Variants in ZC3H13 observed in about 807,000 individuals in gnomAD.
ZC3H13 encodes zinc finger CCCH-type containing 13.
ZC3H13 carries 64 observed loss-of-function variants against 204.1 expected under a neutral mutation model. That is an observed-to-expected ratio of 0.31 (90% CI 0.26 to 0.39). ZC3H13 has a LOEUF of 0.39. Ranked by LOEUF, ZC3H13 falls within the 10% of genes least tolerant of loss-of-function variation. The probability of loss-of-function intolerance (pLI) is 1.00; values close to 1 mark genes in which losing one functional copy is unlikely to be tolerated. For synonymous variants in ZC3H13, 667 were observed against 693.7 expected (o/e 0.96, Z 0.60); for missense variants, 1,833 against 2,082.7 (o/e 0.88, Z 2.33).
chr13:45,991,862 T>C (rs2039994152), intron 8 of ZC3H13, among the ~76,000 whole-genome samples: 1 of 152,178 alleles, frequency 6.6e-6, no homozygotes, highest in Non-Finnish European at 1.5e-5. Context: ...AATGAGAATA[T>C]TCAGGGTATA....
At chr13:45,999,255 C>T (rs1234142669) in intron 8 of ZC3H13, among the ~76,000 whole-genome samples, 2 of 152,094 alleles carry the variant, frequency 1.3e-5, no homozygotes, top group African/African-American at 4.8e-5. Context: ...GAGATCACGC[C>T]AGTGCACTTA....
rs1271694880 is a variant in ZC3H13 at position 45,968,917 on chromosome 13, T to C, written c.3627A>G (p.Pro1209=). ...CACTTCGATGGGCTGAATCATTGGA[T>C]GGGGAGCGAAGACGACCAGACGTAT... The part of the protein sequence containing the change: ...RSHTSGRLRS[P]SNDSAHRSGD... Residue 1209 remains proline, a synonymous_variant, in exon 14 of 19, where the codon CCA becomes CCG. Transcript: ENST00000679008. 1 of 1,614,036 alleles carries C rather than the reference T, an allele frequency of 6.2e-7. No individual in the cohort carries two copies. Among genetic ancestry groups the C allele is most frequent in the Non-Finnish European group, 8.5e-7 (1 of 1,180,038 alleles).
chr13:45,970,385 G>A lies in ZC3H13; in HGVS notation c.2549C>T (p.Ala850Val). 6.2e-7 allele frequency: 1 copy of A among 1,613,846 alleles called. No homozygotes were observed. Residue 850 changes from alanine (A) to valine (V), a missense_variant, in exon 13 of 19, where the codon GCC becomes GTC. Physicochemically the swap from Ala to Val is moderately conservative, Grantham distance 64 (BLOSUM62 0). Transcript: ENST00000679008. ...ACTTTTATCATCTCCACTGTTGTAG[G>A]CATCACTGTCCGGAGAATGTTCACG... ...RRREHSPDSD[A>V]YNSGDDKNEK...
At chr13:46,004,297 G>C (rs948831530) in intron 7 of ZC3H13, among the ~76,000 whole-genome samples, 1 of 64,516 alleles carries the variant, frequency 1.6e-5, no homozygotes, top group African/African-American at 9.2e-5. Context: ...CACTTTGGGA[G>C]GCAGAGGAGG....
intron 14 of ZC3H13, 36 bp downstream of exon 14, chr13:45,968,711 AG>A: frequency 6.5e-7 from 1 of 1,536,468 alleles, no homozygotes; most frequent in Non-Finnish European, 8.7e-7. Flanking sequence ...ATACTAACCT[AG>A]GAAACAGTGA....
intron 15 of ZC3H13, among the ~76,000 whole-genome samples, chr13:45,966,333 T>G (rs917832076): frequency 2.0e-5 from 3 of 152,210 alleles, no homozygotes; most frequent in African/African-American, 7.2e-5. Flanking sequence ...ATTTTCCATG[T>G]TATTAAATTC....
chr13:46,003,102 A>G (rs2040866580), intron 8 of ZC3H13, 37 bp downstream of exon 8: 1 of 1,586,752 alleles, frequency 6.3e-7, no homozygotes, highest in Non-Finnish European at 8.5e-7. Flanking sequence ...ATATTCTACA[A>G]AAGTTAATAT....
intron 4 of ZC3H13, among the ~76,000 whole-genome samples, chr13:46,028,844 T>G (rs1470365426): frequency 6.6e-6 from 1 of 152,052 alleles, no homozygotes; most frequent in Non-Finnish European, 1.5e-5. Flanking sequence ...ATGTATATAT[T>G]AGAAAAGACA....
At chr13:45,978,913 T>C (rs370386139) in intron 11 of ZC3H13, among the ~76,000 whole-genome samples, 14 of 152,118 alleles carry the variant, frequency 9.2e-5, no homozygotes, top group African/African-American at 2.6e-4. Context: ...TAATCAATTC[T>C]CCTACTTCTG....
At chr13:45,976,202 C>A in intron 11 of ZC3H13, 1 of 985,210 alleles carries the variant, frequency 1.0e-6, no homozygotes, top group Non-Finnish European at 1.2e-6. Context: ...CTCTGTCCCC[C>A]CAGCAGGACC....
chr13:46,039,836 A>G (rs2043452695), intron 4 of ZC3H13, among the ~76,000 whole-genome samples: 1 of 152,208 alleles, frequency 6.6e-6, no homozygotes, highest in Non-Finnish European at 1.5e-5. Flanking sequence ...TCTCTTCCCA[A>G]CTATGCATCT....
chr13:45,967,780 G>T lies in ZC3H13; in HGVS notation c.4045C>A (p.Arg1349=). The T allele has an allele frequency of 6.2e-7, 1 of 1,611,150 alleles. No homozygotes were observed. Among genetic ancestry groups the T allele is most frequent in the Non-Finnish European group, 8.5e-7 (1 of 1,178,460 alleles). ...CTATCCAAGTCTCTCCTTTTGTCTCGTTCTCTCTCTCGTTCTCGTTCTCGC... is the reference window on the plus strand; with the variant it reads ...CTATCCAAGTCTCTCCTTTTGTCTCTTTCTCTCTCTCGTTCTCGTTCTCGC... ...RLRERERERE[R]DKRRDLDRER... Residue 1349 remains arginine (R), a synonymous_variant, in exon 15 of 19, where the codon CGA becomes AGA. Transcript: ENST00000679008.
chr13:45,998,529 G>C (rs2040505099), intron 8 of ZC3H13, among the ~76,000 whole-genome samples: 1 of 151,432 alleles, frequency 6.6e-6, no homozygotes, highest in African/African-American at 2.4e-5. Flanking sequence ...GGCGCCTGTA[G>C]TCCCAGCTAC....
intron 8 of ZC3H13, 120 bp downstream of exon 8, chr13:46,003,019 T>C: frequency 3.8e-6 from 3 of 792,324 alleles, no homozygotes; most frequent in Non-Finnish European, 3.9e-6. Flanking sequence ...AAAATAAATA[T>C]ACACACTATT....
intron 12 of ZC3H13, among the ~76,000 whole-genome samples, chr13:45,970,842 G>T (rs767042998): frequency 6.6e-5 from 10 of 152,160 alleles, no homozygotes; most frequent in Non-Finnish European, 1.2e-4. Flanking sequence ...GCCTTATGCT[G>T]CAGAGCTGAA....
chr13:45,961,917 C>T (rs4502117), intron 17 of ZC3H13, among the ~76,000 whole-genome samples: 150,209 of 152,258 alleles, frequency 0.99, 74,133 homozygotes, highest in East Asian at 1. Flanking sequence ...TTAACCTTAG[C>T]GCAATTAGAA....
At chr13:46,005,755 G>C (rs2041094893) in intron 7 of ZC3H13, among the ~76,000 whole-genome samples, 1 of 152,090 alleles carries the variant, frequency 6.6e-6, no homozygotes, top group Non-Finnish European at 1.5e-5. Flanking sequence ...CACTGCATCT[G>C]TCCTATTCTA....
chr13:45,987,315 T>C (rs949830728), intron 9 of ZC3H13, among the ~76,000 whole-genome samples: 3 of 152,220 alleles, frequency 2.0e-5, no homozygotes, highest in African/African-American at 7.2e-5. Context: ...AGCATTCCTA[T>C]GAGACTCAAT....
chr13:46,016,159 A>C (rs1234362383), intron 5 of ZC3H13, among the ~76,000 whole-genome samples: 3 of 152,152 alleles, frequency 2.0e-5, no homozygotes, highest in African/African-American at 4.8e-5. Flanking sequence ...TTTTGATCTG[A>C]AATTATCTAC....
Sources: gnomAD v4.1 joint callset for allele counts (sites outside exome capture counted in the v4.1 genomes callset) on GRCh38, gnomAD v4.1.1 for gene constraint, MANE v1.5 for transcripts, NCBI Gene and HGNC (gene_info 2026-07-23, HGNC 2026-07-21) for gene names.